The following STXBP5L variants were observed in gnomAD, a reference collection of about 807,000 sequenced individuals.
STXBP5L encodes the protein syntaxin-binding protein 5-like.
STXBP5L carries 65 observed loss-of-function variants against 144.5 expected under a neutral mutation model. The ratio of observed to expected loss-of-function variants is 0.45; its 90% CI spans 0.37 to 0.55. STXBP5L has a LOEUF of 0.55. STXBP5L is among the 20% of genes least tolerant of loss of function. The pLI is 0.00. For missense variants in STXBP5L, 1,298 were observed against 1,405.5 expected (o/e 0.92, Z 1.22); for synonymous variants, 505 against 469.6 (o/e 1.08, Z -0.97).
intron 8 of STXBP5L, among the ~76,000 whole-genome samples, chr3:121,152,981 G>A (rs1045027928): frequency 1.3e-5 from 2 of 151,972 alleles, no homozygotes; most frequent in South Asian, 2.1e-4. Context: ...CTTTTCAGTG[G>A]CAAGAAGTTC....
At chr3:121,189,212 G>A (rs1254830257) in intron 9 of STXBP5L, among the ~76,000 whole-genome samples, 1 of 152,146 alleles carries the variant, frequency 6.6e-6, no homozygotes, top group East Asian at 1.9e-4. Context: ...CTGTGCAGAA[G>A]CTCTTTAGTT....
At chr3:120,924,835 C>T (rs909068313) in intron 2 of STXBP5L, among the ~76,000 whole-genome samples, 3 of 150,416 alleles carry the variant, frequency 2.0e-5, no homozygotes, top group East Asian at 1.9e-4. Flanking sequence ...TCAGCCTCCC[C>T]GAGTAGCTGG....
At chr3:121,131,651 T>G (rs1268586960) in intron 7 of STXBP5L, among the ~76,000 whole-genome samples, 2 of 152,154 alleles carry the variant, frequency 1.3e-5, no homozygotes, top group Non-Finnish European at 2.9e-5. Flanking sequence ...AGAAAAAAAT[T>G]CAAATTGTTT....
intron 20 of STXBP5L, among the ~76,000 whole-genome samples, chr3:121,342,854 A>G (rs1163663338): frequency 6.7e-6 from 1 of 148,270 alleles, no homozygotes; most frequent in Non-Finnish European, 1.5e-5. Flanking sequence ...TCCTTTGGGT[A>G]CATACCCAGT....
At chr3:121,140,473 T>A (rs2045449372) in intron 7 of STXBP5L, among the ~76,000 whole-genome samples, 1 of 152,180 alleles carries the variant, frequency 6.6e-6, no homozygotes, top group Non-Finnish European at 1.5e-5. Flanking sequence ...ATGGCCAAGA[T>A]ATGGAATCAA....
chr3:121,118,159 G>T (rs2044309848), intron 6 of STXBP5L, among the ~76,000 whole-genome samples: 1 of 151,642 alleles, frequency 6.6e-6, no homozygotes, highest in Admixed American at 6.6e-5. Flanking sequence ...CATAATCTCT[G>T]TCCTCCTGGG....
intron 4 of STXBP5L, among the ~76,000 whole-genome samples, chr3:121,042,416 G>T (rs1277950113): frequency 6.6e-6 from 1 of 152,074 alleles, no homozygotes; most frequent in African/African-American, 2.4e-5. Context: ...TCTTAAATCA[G>T]ATTTTTATAG....
At chr3:120,950,279 C>T (rs953625340) in intron 2 of STXBP5L, among the ~76,000 whole-genome samples, 1 of 152,004 alleles carries the variant, frequency 6.6e-6, no homozygotes, top group African/African-American at 2.4e-5. Context: ...AAGGATTAGT[C>T]TTTCCTCAAT....
At chr3:121,320,645 C>T (rs2043940240) in intron 20 of STXBP5L, among the ~76,000 whole-genome samples, 1 of 149,970 alleles carries the variant, frequency 6.7e-6, no homozygotes, top group Non-Finnish European at 1.5e-5. Flanking sequence ...GATGTTTCTT[C>T]TTTTGTTAAT....
chr3:120,990,596 G>T (rs1033639738), intron 3 of STXBP5L, among the ~76,000 whole-genome samples: 31 of 151,572 alleles, frequency 2.0e-4, no homozygotes, highest in Non-Finnish European at 3.7e-4. Flanking sequence ...CATGGTACTG[G>T]TACCAAAACA....
chr3:121,183,896 C>T (rs2047262583), intron 9 of STXBP5L, among the ~76,000 whole-genome samples: 1 of 152,020 alleles, frequency 6.6e-6, no homozygotes, highest in Non-Finnish European at 1.5e-5. Context: ...GTTCTGCAGC[C>T]TCCGCTGGTG....
intron 7 of STXBP5L, among the ~76,000 whole-genome samples, chr3:121,135,140 A>G (rs1418965249): frequency 1.3e-5 from 2 of 152,056 alleles, no homozygotes; most frequent in African/African-American, 4.8e-5. Context: ...TTTGATTTGC[A>G]TTTCTCTGAT....
intron 5 of STXBP5L, among the ~76,000 whole-genome samples, chr3:121,059,541 A>G (rs1429636521): frequency 6.6e-6 from 1 of 152,162 alleles, no homozygotes; most frequent in African/African-American, 2.4e-5. Flanking sequence ...TGGGGATAGC[A>G]TTGAATCTAC....
chr3:121,065,906 G>T (rs891170835), intron 5 of STXBP5L, among the ~76,000 whole-genome samples: 6 of 152,036 alleles, frequency 3.9e-5, no homozygotes, highest in Non-Finnish European at 7.4e-5. Context: ...TCAACTTTTT[G>T]CCGGCTGTTT....
rs188900972 is a variant in STXBP5L at position 121,291,124 on chromosome 3, A to G, written c.2110+11168A>G. Among the ~76,000 whole-genome samples the G allele has an allele frequency of 3.9e-5, 6 of 152,274 alleles. No individual in the cohort carries two copies. The East Asian group carries it at 1.2e-3, about 29-fold the overall frequency. ...GAAATCCAACTGTCACTATTTGCCA[A>G]TGATAAGATTGTATGCCTAGAATAC... On this transcript the variant is annotated intron_variant, in intron 19 of 26. Coordinates refer to ENST00000471454, the MANE Select transcript of STXBP5L (RefSeq NM_001308330.2).
chr3:121,228,151 A>G (rs2049182230), intron 11 of STXBP5L, among the ~76,000 whole-genome samples: 1 of 152,234 alleles, frequency 6.6e-6, no homozygotes, highest in Non-Finnish European at 1.5e-5. Flanking sequence ...AGAAGATTTC[A>G]AAAGCAATAC....
Position 121,223,058 on chromosome 3 carries a change from C to T in STXBP5L, c.1012C>T (p.Pro338Ser), listed in dbSNP as rs1411824680. The stretch of plus-strand genomic sequence containing the variant: ...GTCCTATGACAAAGCTTGTAGAAGA[C>T]CAAGTTTAACCATCATGCATGGAAA... ...GLSYDKACRRPSLTIMHGKAI... is the reference protein window; with the variant it reads ...GLSYDKACRRSSLTIMHGKAI... The change falls in exon 11 of 27, where the codon CCA becomes TCA. Residue 338 changes from proline to serine, a missense_variant. Coordinates refer to ENST00000471454, the MANE Select transcript of STXBP5L (RefSeq NM_001308330.2). 6.2e-7 allele frequency: 1 copy of T among 1,612,894 alleles called. No homozygotes were observed. The highest frequency in any genetic ancestry group is 1.7e-4 in the Middle Eastern group (1 of 6,050).
At chr3:121,389,001 C>T (rs1249836382) in intron 22 of STXBP5L, among the ~76,000 whole-genome samples, 1 of 152,172 alleles carries the variant, frequency 6.6e-6, no homozygotes, top group Non-Finnish European at 1.5e-5. Flanking sequence ...TAGAATACAG[C>T]TATGAATCCA....
chr3:121,301,859 C>G (rs1013432945), intron 19 of STXBP5L, among the ~76,000 whole-genome samples: 1 of 152,086 alleles, frequency 6.6e-6, no homozygotes, highest in Non-Finnish European at 1.5e-5. Flanking sequence ...TATTGATTTG[C>G]GTATGTTGAA....
Sources: allele counts gnomAD v4.1 joint callset (sites outside exome capture counted in the v4.1 genomes callset), GRCh38; gene constraint gnomAD v4.1.1; transcripts MANE v1.5; gene names NCBI Gene and HGNC (gene_info 2026-07-23, HGNC 2026-07-21).